GPC5: variants seen among roughly 807,000 people sequenced by gnomAD.
GPC5 encodes the protein glypican-5.
GPC5 carries 47 observed loss-of-function variants against 53.9 expected under a neutral mutation model. The observed-to-expected ratio is 0.87, with a 90% CI of 0.69 to 1.11. The LOEUF (loss-of-function observed/expected upper bound fraction) is 1.11, where lower values mean the gene tolerates loss of function less well. Among genes scored for constraint, GPC5 ranks in the 50% most tolerant of loss-of-function variants. The pLI is 0.00. For missense variants in GPC5, 748 were observed against 713.1 expected (o/e 1.05, Z -0.56); for synonymous variants, 286 against 263.3 (o/e 1.09, Z -0.84).
intron 7 of GPC5, among the ~76,000 whole-genome samples, chr13:92,473,814 A>G (rs1227409198): frequency 6.6e-6 from 1 of 152,148 alleles, no homozygotes; most frequent in Non-Finnish European, 1.5e-5. Flanking sequence ...AATGGCCAGG[A>G]AAAAATTATT....
At chr13:92,223,598 T>C (rs769420223) in intron 7 of GPC5, among the ~76,000 whole-genome samples, 5 of 152,156 alleles carry the variant, frequency 3.3e-5, no homozygotes, top group Non-Finnish European at 5.9e-5. Flanking sequence ...GCATATGATA[T>C]AAAAAGATGA....
intron 2 of GPC5, among the ~76,000 whole-genome samples, chr13:91,601,477 G>C (rs988585612): frequency 6.6e-6 from 1 of 152,114 alleles, no homozygotes. Flanking sequence ...ACCAGTCCGT[G>C]GCCTGTTAGG....
At chr13:92,142,215 A>T (rs2041837108) in intron 6 of GPC5, among the ~76,000 whole-genome samples, 1 of 152,170 alleles carries the variant, frequency 6.6e-6, no homozygotes, top group African/African-American at 2.4e-5. Context: ...AAGGGAAAAA[A>T]ATCATGTGGT....
intron 7 of GPC5, among the ~76,000 whole-genome samples, chr13:92,562,221 A>G (rs1882721200): frequency 6.6e-6 from 1 of 152,046 alleles, no homozygotes; most frequent in Non-Finnish European, 1.5e-5. Flanking sequence ...AAGCCTCAGA[A>G]AATCTCTTAT....
At position 91,998,025 on chromosome 13, in the gene GPC5, A is replaced by G. The variant is rs185747756; in HGVS notation, c.1401+89968A>G. Among the ~76,000 whole-genome samples, 382 of 152,320 alleles carry G rather than the reference A, an allele frequency of 2.5e-3. 3 individuals are homozygous for G. Among genetic ancestry groups the G allele is most frequent in the Admixed American group, 3.9e-3 (59 of 15,296 alleles). The stretch of plus-strand genomic sequence containing the variant: ...CACATTTATTTTTATAGTAGTTTAT[A>G]AATAGTATAAGCTAGCAAATAGAAT... On this transcript the variant is annotated intron_variant, in intron 6 of 7. Coordinates refer to ENST00000377067, the MANE Select transcript of GPC5 (RefSeq NM_004466.6).
intron 6 of GPC5, among the ~76,000 whole-genome samples, chr13:91,983,008 G>A (rs1034080557): frequency 2.0e-5 from 3 of 150,910 alleles, no homozygotes; most frequent in African/African-American, 7.3e-5. Context: ...CCCATAGAAA[G>A]AGTTATGCTT....
intron 7 of GPC5, among the ~76,000 whole-genome samples, chr13:92,814,423 G>A (rs893566595): frequency 2.6e-5 from 4 of 151,916 alleles, no homozygotes; most frequent in Non-Finnish European, 5.9e-5. Flanking sequence ...CACTTTGGGA[G>A]GCCAAGGCGG....
At chr13:92,866,020 G>C (rs1441826932) in intron 7 of GPC5, among the ~76,000 whole-genome samples, 5 of 152,080 alleles carry the variant, frequency 3.3e-5, no homozygotes, top group African/African-American at 1.2e-4. Context: ...CAGTGGCAGA[G>C]AAATGTTCCA....
chr13:91,635,335 C>T (rs2034260289), intron 2 of GPC5, among the ~76,000 whole-genome samples: 2 of 151,860 alleles, frequency 1.3e-5, no homozygotes, highest in Admixed American at 6.6e-5. Context: ...ATGCATTAAC[C>T]TTTGGTGTAT....
rs1491335229 is a variant in GPC5 at position 92,527,213 on chromosome 13, GA to G, written c.1562-339066del. Among the ~76,000 whole-genome samples the G allele has an allele frequency of 1.4e-3, 43 of 30,412 alleles. 2 individuals are homozygous for G. The highest frequency in any genetic ancestry group is 5.7e-3 in the Admixed American group (13 of 2,290). 20.0% of individuals were successfully genotyped at this position (30,412 alleles called of 152,430 possible). ...AGAAAGAAAGAAAGAAAGAAAGAAA[GA>G]AAGAAAGAAAGAAAGAAAGAAAGAA... On this transcript the variant is annotated intron_variant, in intron 7 of 7. Coordinates refer to ENST00000377067, the MANE Select transcript of GPC5 (RefSeq NM_004466.6).
chr13:92,864,013 T>C (rs1170286269), intron 7 of GPC5, among the ~76,000 whole-genome samples: 2 of 152,208 alleles, frequency 1.3e-5, no homozygotes, highest in Non-Finnish European at 2.9e-5. Flanking sequence ...TCCAAACTAA[T>C]TTTTTCTTTT....
At chr13:92,381,897 A>ATATTATATATAT (rs1218262542) in intron 7 of GPC5, among the ~76,000 whole-genome samples, 5 of 101,336 alleles carry the variant, frequency 4.9e-5, no homozygotes, top group Non-Finnish European at 1.0e-4. Context: ...TATTATATAT[A>ATATTATATATAT]ATCATATATA....
chr13:92,613,796 G>T (rs1884585908), intron 7 of GPC5, among the ~76,000 whole-genome samples: 1 of 149,646 alleles, frequency 6.7e-6, no homozygotes, highest in South Asian at 2.1e-4. Context: ...GGTCAAGGCT[G>T]CAGTGAGATA....
chr13:92,650,895 A>G (rs1885936309), intron 7 of GPC5, among the ~76,000 whole-genome samples: 1 of 152,012 alleles, frequency 6.6e-6, no homozygotes, highest in Admixed American at 6.6e-5. Flanking sequence ...GCATCTATTA[A>G]CCCATCCTCT....
At chr13:92,843,219 G>C (rs1878491231) in intron 7 of GPC5, among the ~76,000 whole-genome samples, 1 of 152,072 alleles carries the variant, frequency 6.6e-6, no homozygotes, top group Admixed American at 6.6e-5. Context: ...ACCCCAATTT[G>C]TATCAATCAT....
chr13:92,359,668 A>G (rs2043550276), intron 7 of GPC5, among the ~76,000 whole-genome samples: 1 of 151,728 alleles, frequency 6.6e-6, no homozygotes, highest in Non-Finnish European at 1.5e-5. Flanking sequence ...GAAACTTACA[A>G]TCATGGCAGA....
At position 91,693,325 on chromosome 13, in the gene GPC5, C is replaced by A. The variant is rs553717; in HGVS notation, c.464C>A (p.Ala155Glu). The change falls in exon 3 of 8, where the codon GCG (alanine) becomes GAG (glutamate). Residue 155 changes from alanine to glutamate, a missense_variant. Ala to Glu is a moderately radical substitution (Grantham distance 107). Coordinates refer to ENST00000377067, the MANE Select transcript of GPC5 (RefSeq NM_004466.6). ...FTDVGLYLFG[A>E]DVNPEEFVNR... is the part of the protein sequence containing the mutation. ...GATGTGGGGCTGTATTTATTTGGTG[C>A]GGATGTTAATCCTGAAGAATTTGTA... 1 of 1,613,550 alleles carries A rather than the reference C, an allele frequency of 6.2e-7. No individual in the cohort carries two copies. The highest frequency in any genetic ancestry group is 8.5e-7 in the Non-Finnish European group (1 of 1,179,790).
At chr13:92,293,046 C>T (rs1223691198) in intron 7 of GPC5, among the ~76,000 whole-genome samples, 3 of 151,638 alleles carry the variant, frequency 2.0e-5, no homozygotes, top group Admixed American at 1.3e-4. Context: ...TATACCAGTA[C>T]CATGCTGTTT....
intron 7 of GPC5, among the ~76,000 whole-genome samples, chr13:92,432,576 T>G (rs1594197925): frequency 2.6e-5 from 4 of 151,436 alleles, no homozygotes; most frequent in African/African-American, 9.7e-5. Flanking sequence ...GTGATTTCGC[T>G]GTGTTAGCCA....
Sources: gnomAD v4.1 joint callset for allele counts (sites outside exome capture counted in the v4.1 genomes callset) on GRCh38, gnomAD v4.1.1 for gene constraint, MANE v1.5 for transcripts, NCBI Gene and HGNC (gene_info 2026-07-23, HGNC 2026-07-21) for gene names.